SLC7A7: variants seen among roughly 807,000 people sequenced by gnomAD.
The protein encoded by SLC7A7 is solute carrier family 7 member 7, also known as Y+L amino acid transporter 1.
A neutral mutation model predicts 47.9 loss-of-function variants in SLC7A7; 39 were observed. The ratio of observed to expected loss-of-function variants is 0.81; its 90% CI spans 0.63 to 1.06. The LOEUF (loss-of-function observed/expected upper bound fraction) is 1.06, where lower values mean the gene tolerates loss of function less well. Ranked by LOEUF, SLC7A7 falls within the 50% of genes least tolerant of loss-of-function variation. The pLI, the probability that SLC7A7 is intolerant of heterozygous loss-of-function variation, is 0.00. For missense variants in SLC7A7, 588 were observed against 632.0 expected, an observed-to-expected ratio of 0.93 and a Z score of 0.75; for synonymous variants, 234 against 242.8, an observed-to-expected ratio of 0.96 and a Z score of 0.34.
rs146945921 is a variant in SLC7A7, at chr14:22,780,002, T to G, written c.549A>C (p.Val183=). Residue 183 remains valine (V), a synonymous_variant, in exon 3 of 10, where the codon GTA becomes GTC. Transcript: ENST00000674313. ...CTTTAGCATAGGTGAAAATATCTTG[T>G]ACCAGGGTTCCCCATTTGACATAGG... ...NCAYVKWGTL[V]QDIFTYAKVL... The G allele has an allele frequency of 2.1e-4, 334 of 1,614,012 alleles. 1 individual carries two copies. Among genetic ancestry groups the G allele is most frequent in the Non-Finnish European group, 2.6e-4 (308 of 1,180,018 alleles).
chr14:22,784,963 C>G (rs545083753), intron 2 of SLC7A7, among the ~76,000 whole-genome samples: 25 of 152,318 alleles, frequency 1.6e-4, no homozygotes, highest in African/African-American at 6.0e-4. Context: ...AACCACCATG[C>G]CCGGCGTCAT....
intron 2 of SLC7A7, among the ~76,000 whole-genome samples, chr14:22,792,728 A>C (rs1225265487): frequency 6.7e-6 from 1 of 150,344 alleles, no homozygotes; most frequent in East Asian, 2.1e-4. Flanking sequence ...GTGGTGGCGC[A>C]CGCCTGTAAT....
chr14:22,795,388 T>TGCTTGC (rs751197653), intron 2 of SLC7A7, among the ~76,000 whole-genome samples: 578 of 40,542 alleles, frequency 0.014, 2 homozygotes, highest in Middle Eastern at 0.029. Context: ...CTTGCTTGCT[T>TGCTTGC]TCTTTCTTTC....
intron 2 of SLC7A7, among the ~76,000 whole-genome samples, chr14:22,807,193 C>T (rs1182990790): frequency 1.3e-5 from 2 of 152,076 alleles, no homozygotes; most frequent in Non-Finnish European, 2.9e-5. Flanking sequence ...GCCACCGCGC[C>T]GGGCCAACTA....
At chr14:22,779,174 A>G (rs1173828145) in intron 3 of SLC7A7, among the ~76,000 whole-genome samples, 1 of 152,224 alleles carries the variant, frequency 6.6e-6, no homozygotes, top group Non-Finnish European at 1.5e-5. Flanking sequence ...GGAAGGGTCC[A>G]GGGTAGCTTT....
At chr14:22,802,275 C>A (rs2039128581) in intron 2 of SLC7A7, among the ~76,000 whole-genome samples, 1 of 151,974 alleles carries the variant, frequency 6.6e-6, no homozygotes. Flanking sequence ...GGGTGACATG[C>A]ACCTGTAGTC....
At chr14:22,775,116 T>G (rs2038574191) in intron 7 of SLC7A7, among the ~76,000 whole-genome samples, 1 of 152,014 alleles carries the variant, frequency 6.6e-6, no homozygotes, top group Non-Finnish European at 1.5e-5. Flanking sequence ...CTTCTAGATG[T>G]AATTCTTCAC....
intron 2 of SLC7A7, among the ~76,000 whole-genome samples, chr14:22,791,552 A>T (rs1157569369): frequency 6.6e-6 from 1 of 152,110 alleles, no homozygotes; most frequent in Non-Finnish European, 1.5e-5. Context: ...TGCTCAGAAA[A>T]ACTGCACATT....
intron 2 of SLC7A7, among the ~76,000 whole-genome samples, chr14:22,802,200 C>T (rs1031004226): frequency 1.3e-5 from 2 of 152,160 alleles, no homozygotes. Context: ...TTCAGGAGTT[C>T]GAGACCAGCC....
At chr14:22,776,838 A>G (rs2038618358) in intron 4 of SLC7A7, among the ~76,000 whole-genome samples, 1 of 152,148 alleles carries the variant, frequency 6.6e-6, no homozygotes, top group Non-Finnish European at 1.5e-5. Flanking sequence ...GCATGGTGGC[A>G]TGCACCTGTA....
chr14:22,774,891 A>G (rs1248271512), intron 7 of SLC7A7, among the ~76,000 whole-genome samples: 2 of 152,118 alleles, frequency 1.3e-5, no homozygotes, highest in African/African-American at 4.8e-5. Flanking sequence ...TCAAGTCAGC[A>G]CTCAAAAAGT....
chr14:22,798,498 C>T (rs1164918642), intron 2 of SLC7A7, among the ~76,000 whole-genome samples: 2 of 152,122 alleles, frequency 1.3e-5, no homozygotes, highest in Non-Finnish European at 2.9e-5. Flanking sequence ...CTCAGGGCAC[C>T]CAATCATTAC....
chr14:22,805,138 C>T (rs1372515551), intron 2 of SLC7A7, among the ~76,000 whole-genome samples: 2 of 151,938 alleles, frequency 1.3e-5, no homozygotes, highest in Non-Finnish European at 2.9e-5. Flanking sequence ...GAGGCCAAGG[C>T]AGGTGGACCA....
At chr14:22,789,712 C>A (rs6572756) in intron 2 of SLC7A7, among the ~76,000 whole-genome samples, 94,000 of 151,350 alleles carry the variant, frequency 0.62, 30,041 homozygotes, top group Non-Finnish European at 0.68. Context: ...ATTCTGTATT[C>A]TCTGGGTGGG....
chr14:22,819,410 A>T (rs1164877916), upstream of SLC7A7, among the ~76,000 whole-genome samples: 4 of 38,500 alleles, frequency 1.0e-4, no homozygotes, highest in African/African-American at 1.7e-4. Context: ...CAGTCTCTTT[A>T]AAAAAAAAAA....
chr14:22,774,041 T>C lies in SLC7A7; in HGVS notation c.1321A>G (p.Ile441Val), dbSNP rs201611215. The C allele has an allele frequency of 3.5e-5, 56 of 1,614,102 alleles. 1 individual carries two copies. The highest frequency in any genetic ancestry group is 3.1e-4 in the South Asian group (28 of 91,074). Residue 441 changes from isoleucine to valine, a missense_variant, in exon 9 of 10, where the codon ATC becomes GTC. Transcript: ENST00000674313. ...ATGGCAATGCCGATGAGGGAGTTGA[T>C]AGTATCACTGTAAAGTGGAACAGCC... ...LVAVPLYSDT[I>V]NSLIGIAIAL...
intron 2 of SLC7A7, among the ~76,000 whole-genome samples, chr14:22,802,426 AC>A (rs71397789): frequency 0.29 from 29,782 of 101,096 alleles, 3,195 homozygotes; most frequent in South Asian, 0.4. Flanking sequence ...CAACAACCAA[AC>A]AAACAAACAA....
At chr14:22,802,886 C>T (rs1594973959) in intron 2 of SLC7A7, among the ~76,000 whole-genome samples, 2 of 152,100 alleles carry the variant, frequency 1.3e-5, no homozygotes, top group East Asian at 3.8e-4. Context: ...CCCACAATCC[C>T]CCATGCACCC....
intron 2 of SLC7A7, among the ~76,000 whole-genome samples, chr14:22,796,111 T>C (rs2039017861): frequency 6.6e-6 from 1 of 152,086 alleles, no homozygotes; most frequent in Non-Finnish European, 1.5e-5. Flanking sequence ...TTTCTTCACC[T>C]CCACCCTCAG....
Sources: gnomAD v4.1 joint callset for allele counts (sites outside exome capture counted in the v4.1 genomes callset) on GRCh38, gnomAD v4.1.1 for gene constraint, MANE v1.5 for transcripts, NCBI Gene and HGNC (gene_info 2026-07-23, HGNC 2026-07-21) for gene names.